PHACTR1: variants seen among roughly 807,000 people sequenced by gnomAD.
The protein encoded by PHACTR1 is phosphatase and actin regulator 1, also known as RPEL repeat containing 1.
Under a neutral mutation model 69.2 loss-of-function variants are expected in PHACTR1, and 16 were observed. The ratio of observed to expected loss-of-function variants is 0.23; its 90% confidence interval spans 0.16 to 0.35. The LOEUF (loss-of-function observed/expected upper bound fraction) is 0.35. Ranked by LOEUF, PHACTR1 falls within the 10% of genes least tolerant of loss-of-function variation. The probability of loss-of-function intolerance (pLI) is 1.00; values close to 1 mark genes in which losing one functional copy is unlikely to be tolerated. For synonymous variants in PHACTR1, 312 were observed against 284.5 expected, an observed-to-expected ratio of 1.10 and a Z score of -0.97; for missense variants, 510 against 734.7, an observed-to-expected ratio of 0.69 and a Z score of 3.54.
At chr6:13,131,423 T>C (rs939485599) in intron 5 of PHACTR1, among the ~76,000 whole-genome samples, 4 of 151,860 alleles carry the variant, frequency 2.6e-5, no homozygotes, top group African/African-American at 9.7e-5. Flanking sequence ...AAGAATGATA[T>C]AATGGACTTT....
rs368522573 is a variant in PHACTR1, at chr6:12,852,609, G to A, written c.250+102819G>A. Among the ~76,000 whole-genome samples the A allele has an allele frequency of 4.8e-4, 73 of 152,158 alleles. No homozygotes were observed. In the South Asian group the frequency reaches 0.014, roughly 29 times the overall value. On this transcript the variant is annotated intron_variant, in intron 4 of 14. Transcript: ENST00000332995. ...TTTATATTTACTGATATATTTCTAG[G>A]CAGCATACAAAAACCCTGAAAATCC...
intron 10 of PHACTR1, among the ~76,000 whole-genome samples, chr6:13,262,104 A>G (rs1775996508): frequency 6.6e-6 from 1 of 152,164 alleles, no homozygotes; most frequent in African/African-American, 2.4e-5. Context: ...GGAGGACCAG[A>G]GTGGGATAGG....
At chr6:12,970,862 T>C (rs115743855) in intron 4 of PHACTR1, among the ~76,000 whole-genome samples, 141 of 152,334 alleles carry the variant, frequency 9.3e-4, no homozygotes, top group African/African-American at 3.1e-3. Flanking sequence ...AATTAAAAAT[T>C]AGAATGAAAG....
At chr6:13,142,686 AC>A (rs1167234635) in intron 5 of PHACTR1, among the ~76,000 whole-genome samples, 2 of 152,118 alleles carry the variant, frequency 1.3e-5, no homozygotes, top group Admixed American at 1.3e-4. Context: ...TTTTCTCAGT[AC>A]CCTTGTCAAA....
At chr6:12,966,401 C>A (rs1200552610) in intron 4 of PHACTR1, among the ~76,000 whole-genome samples, 1 of 152,188 alleles carries the variant, frequency 6.6e-6, no homozygotes, top group African/African-American at 2.4e-5. Flanking sequence ...CCCTGGACAT[C>A]CTGCTGATAA....
rs75719548 is a variant in PHACTR1, at chr6:12,828,173, A to G, written c.250+78383A>G. Among the ~76,000 whole-genome samples the G allele has an allele frequency of 7.0e-3, 1,070 of 152,336 alleles. 17 individuals carry two copies. Among genetic ancestry groups the G allele is most frequent in the African/African-American group, 0.025 (1,019 of 41,576 alleles). On this transcript the variant is annotated intron_variant, in intron 4 of 14. Coordinates refer to ENST00000332995, the MANE Select transcript of PHACTR1 (RefSeq NM_030948.6). Reference sequence around the variant, plus strand: ...ATTTTGCTGCGTATGAGGCCAATGCATCAAAAGGATTTATTTATAGATCAT... The same window carrying G: ...ATTTTGCTGCGTATGAGGCCAATGCGTCAAAAGGATTTATTTATAGATCAT...
In PHACTR1 at chr6:12,903,559, G is replaced by T. The variant is rs180771306; in HGVS notation, c.251-149806G>T. Among the ~76,000 whole-genome samples, 13 of 152,300 alleles carry T rather than the reference G, an allele frequency of 8.5e-5. No individual in the cohort carries two copies. The East Asian group carries it at 1.7e-3, about 20-fold the overall frequency. The stretch of plus-strand genomic sequence containing the variant: ...AGCACATTGGGTGCAATTCTCCAAG[G>T]CTCCCCACTGGTTTATTCTGCCCTC... On this transcript the variant is annotated intron_variant, in intron 4 of 14. Coordinates refer to ENST00000332995, the MANE Select transcript of PHACTR1 (RefSeq NM_030948.6).
rs1325225621 is a variant in PHACTR1 at position 12,934,835 on chromosome 6, CA to C, written c.251-118519del. Among the ~76,000 whole-genome samples the C allele has an allele frequency of 3.4e-4, 47 of 139,412 alleles. No homozygotes were observed. The Middle Eastern group carries it at 0.019, about 55-fold the overall frequency. 91.5% of individuals were successfully genotyped at this position (139,412 alleles called of 152,430 possible). A position where few individuals can be genotyped will look rare whatever the true frequency, so the allele number is the denominator to read the frequency against. ...TAGGTGACAGAATGAGATCCTCTCT[CA>C]AAAAAAAAAACAAAAAAAAAAAACT... On this transcript the variant is annotated intron_variant, in intron 4 of 14. Coordinates refer to ENST00000332995, the MANE Select transcript of PHACTR1 (RefSeq NM_030948.6).
intron 5 of PHACTR1, among the ~76,000 whole-genome samples, chr6:13,096,291 G>A (rs1052311223): frequency 1.3e-5 from 2 of 152,134 alleles, no homozygotes; most frequent in South Asian, 2.1e-4. Context: ...CCAAACAAGC[G>A]ATTGGCTCAT....
At chr6:12,749,451 T>G (rs768457124) in intron 3 of PHACTR1, 193 bp from the exon 4 acceptor site, 22 of 620,876 alleles carry the variant, frequency 3.5e-5, no homozygotes, top group Non-Finnish European at 6.2e-5. Context: ...CTTCACCCCT[T>G]TCTCTCCTTT....
chr6:13,111,826 T>A (rs922765992), intron 5 of PHACTR1, among the ~76,000 whole-genome samples: 9 of 152,202 alleles, frequency 5.9e-5, no homozygotes, highest in African/African-American at 1.7e-4. Context: ...CTTCCTGCCA[T>A]ATTTCCCTTT....
intron 6 of PHACTR1, among the ~76,000 whole-genome samples, chr6:13,174,102 G>C (rs894059680): frequency 6.6e-6 from 1 of 151,970 alleles, no homozygotes; most frequent in Non-Finnish European, 1.5e-5. Context: ...CTCTATTTCA[G>C]CCTCACTAAT....
intron 6 of PHACTR1, among the ~76,000 whole-genome samples, chr6:13,181,093 A>G (rs1187288214): frequency 6.6e-6 from 1 of 151,840 alleles, no homozygotes; most frequent in African/African-American, 2.4e-5. Flanking sequence ...ATGCTTATAG[A>G]AGATTCAGGT....
chr6:13,192,080 T>C (rs146197141), intron 7 of PHACTR1, among the ~76,000 whole-genome samples: 15 of 152,362 alleles, frequency 9.8e-5, no homozygotes, highest in Admixed American at 7.8e-4. Context: ...TTTCAATGCC[T>C]GCTATGTGCA....
chr6:13,176,080 A>G (rs1424576982), intron 6 of PHACTR1, among the ~76,000 whole-genome samples: 1 of 152,116 alleles, frequency 6.6e-6, no homozygotes, highest in Non-Finnish European at 1.5e-5. Flanking sequence ...CCTGGGGAAA[A>G]CGTCTCCATG....
At chr6:13,141,523 C>CA (rs796435759) in intron 5 of PHACTR1, among the ~76,000 whole-genome samples, 5 of 152,214 alleles carry the variant, frequency 3.3e-5, no homozygotes, top group African/African-American at 1.2e-4. Flanking sequence ...GTTGCAGTCA[C>CA]AAAAAACTAG....
chr6:13,272,815 A>C, intron 10 of PHACTR1, 45 bp from the exon 11 acceptor site: 1 of 1,614,044 alleles, frequency 6.2e-7, no homozygotes. Flanking sequence ...TGACCCAAGG[A>C]GGCTATGATA....
chr6:12,733,541 T>C (rs1187543857), intron 3 of PHACTR1, among the ~76,000 whole-genome samples: 2 of 152,146 alleles, frequency 1.3e-5, no homozygotes, highest in Non-Finnish European at 2.9e-5. Flanking sequence ...TGGAGAGAAA[T>C]AGCTTAGCTA....
intron 4 of PHACTR1, among the ~76,000 whole-genome samples, chr6:13,052,644 G>A (rs1286826850): frequency 6.6e-6 from 1 of 152,140 alleles, no homozygotes; most frequent in Non-Finnish European, 1.5e-5. Context: ...AGTTGAATAT[G>A]CTCAAGTGTT....
Sources: allele counts gnomAD v4.1 joint callset (sites outside exome capture counted in the v4.1 genomes callset), GRCh38; gene constraint gnomAD v4.1.1; transcripts MANE v1.5; gene names NCBI Gene and HGNC (gene_info 2026-07-23, HGNC 2026-07-21).